EGLN1: variants seen among roughly 807,000 people sequenced by gnomAD.
EGLN1 encodes egl-9 family hypoxia inducible factor 1.
EGLN1 carries 17 observed loss-of-function variants against 38.3 expected under a neutral mutation model. The ratio of observed to expected loss-of-function variants is 0.44; its 90% CI spans 0.30 to 0.67. EGLN1 has a LOEUF of 0.67. Ranked by LOEUF, EGLN1 falls within the 30% of genes least tolerant of loss-of-function variation. EGLN1 has a pLI of 0.08. For missense variants in EGLN1, 477 were observed against 603.3 expected (o/e 0.79, Z 2.19); for synonymous variants, 283 against 257.5 (o/e 1.10, Z -0.95).
Position 231,391,083 on chromosome 1 carries a change from GTTTTT to G in EGLN1, c.892-16989_892-16985del, listed in dbSNP as rs111257907. Among the ~76,000 whole-genome samples the G allele has an allele frequency of 4.2e-4, 21 of 49,800 alleles. 5 individuals are homozygous for G. Among genetic ancestry groups the G allele is most frequent in the Non-Finnish European group, 1.1e-3 (21 of 18,346 alleles). The allele number at this position is 49,800 out of a possible 152,430, so 32.7% of individuals were successfully genotyped here. On this transcript the variant is annotated intron_variant, in intron 1 of 4. Coordinates refer to ENST00000366641, the MANE Select transcript of EGLN1 (RefSeq NM_022051.3). The stretch of plus-strand genomic sequence containing the variant: ...GTGTGTGAGACAGGGAACTCATTCT[GTTTTT>G]TTTTTGTGTGTGTGTGTGTGTGTGT...
At chr1:231,390,933 A>AAACTCC (rs1266998818) in intron 1 of EGLN1, among the ~76,000 whole-genome samples, 1 of 151,814 alleles carries the variant, frequency 6.6e-6, no homozygotes, top group Non-Finnish European at 1.5e-5. Context: ...CCGCAACGTC[A>AAACTCC]AACTCCTGAG....
At chr1:231,383,403 C>G (rs890063709) in intron 1 of EGLN1, among the ~76,000 whole-genome samples, 1 of 152,100 alleles carries the variant, frequency 6.6e-6, no homozygotes, top group Non-Finnish European at 1.5e-5. Flanking sequence ...TAATAAACAC[C>G]AGAACAGAGT....
intron 1 of EGLN1, among the ~76,000 whole-genome samples, chr1:231,381,616 A>C (rs1688081463): frequency 6.6e-6 from 1 of 152,226 alleles, no homozygotes; most frequent in Non-Finnish European, 1.5e-5. Context: ...CGACAGTATA[A>C]TCTAGAGATA....
chr1:231,421,304 G>C lies in EGLN1; in HGVS notation c.585C>G (p.Leu195=), dbSNP rs1467879744. 9.3e-6 allele frequency: 15 copies of C among 1,612,788 alleles called. No individual in the cohort carries two copies. Among genetic ancestry groups the C allele is most frequent in the African/African-American group, 5.3e-5 (4 of 74,898 alleles). ...TKPLPALKLA[L]EYIVPCMNKH... The stretch of plus-strand genomic sequence containing the variant: ...TGTTCATGCACGGCACGATGTACTC[G>C]AGCGCCAGCTTCAGCGCCGGCAGGG... The change falls in exon 1 of 5, where the codon CTC becomes CTG. Residue 195 remains leucine (L), a synonymous_variant. Coordinates refer to ENST00000366641, the MANE Select transcript of EGLN1 (RefSeq NM_022051.3). The surrounding 1 kb of genome is among the most constrained non-coding windows in gnomAD (Gnocchi z 5.5).
At chr1:231,391,095 TGTGTGTGTGTG>T (rs1558387211) in intron 1 of EGLN1, among the ~76,000 whole-genome samples, 9 of 60,470 alleles carry the variant, frequency 1.5e-4, no homozygotes, top group African/African-American at 4.0e-4. Context: ...TTTTTTTTTG[TGTGTGTGTGTG>T]TGTGTGTGTG....
At chr1:231,415,118 A>T (rs1689044633) in intron 1 of EGLN1, among the ~76,000 whole-genome samples, 1 of 152,056 alleles carries the variant, frequency 6.6e-6, no homozygotes, top group Non-Finnish European at 1.5e-5. Context: ...AAAAAAATTT[A>T]AGAAATTATC....
chr1:231,391,083 GTTTTTTTTTTGTGTGTGT>G (rs1156299647), intron 1 of EGLN1, among the ~76,000 whole-genome samples: 10 of 49,800 alleles, frequency 2.0e-4, no homozygotes, highest in Admixed American at 9.5e-4. Flanking sequence ...AACTCATTCT[GTTTTTTTTTTGTGTGTGT>G]GTGTGTGTGT....
Position 231,396,491 on chromosome 1 carries a change from A to C in EGLN1, c.892-22392T>G, listed in dbSNP as rs151328360. ...ATGGTCTCGATCTTTTGGCCTTGAG[A>C]TCCACCTCCCTCAGCCTCCCAAAGT... On this transcript the variant is annotated intron_variant, in intron 1 of 4. Coordinates refer to ENST00000366641, the MANE Select transcript of EGLN1 (RefSeq NM_022051.3). Among the ~76,000 whole-genome samples, 148 of 151,968 alleles carry C rather than the reference A, an allele frequency of 9.7e-4. 1 individual carries two copies. The highest frequency in any genetic ancestry group is 1.8e-3 in the Non-Finnish European group (122 of 67,954).
At chr1:231,386,590 ATTT>A (rs1012225340) in intron 1 of EGLN1, among the ~76,000 whole-genome samples, 1 of 151,342 alleles carries the variant, frequency 6.6e-6, no homozygotes, top group Admixed American at 6.6e-5. Flanking sequence ...AAACACACTC[ATTT>A]TTTTTTCTGG....
At chr1:231,402,646 G>C (rs543294710) in intron 1 of EGLN1, among the ~76,000 whole-genome samples, 2 of 151,944 alleles carry the variant, frequency 1.3e-5, no homozygotes, top group Non-Finnish European at 1.5e-5. Flanking sequence ...TGTTGGCCAG[G>C]CTGGTCTGGA....
chr1:231,372,617 T>G (rs1687857020), intron 2 of EGLN1, among the ~76,000 whole-genome samples: 1 of 152,316 alleles, frequency 6.6e-6, no homozygotes, highest in South Asian at 2.1e-4. Context: ...ATTACAAAAT[T>G]TATTTCTCTA....
chr1:231,409,062 G>C (rs1049210969), intron 1 of EGLN1, among the ~76,000 whole-genome samples: 1 of 151,934 alleles, frequency 6.6e-6, no homozygotes. Context: ...GGACAGCAAT[G>C]AAGAGTGTAA....
intron 3 of EGLN1, among the ~76,000 whole-genome samples, chr1:231,368,769 A>C (rs1290490713): frequency 6.6e-6 from 1 of 152,190 alleles, no homozygotes; most frequent in Admixed American, 6.5e-5. Context: ...TGAAGTAAAG[A>C]GTCTGGGAGT....
intron 1 of EGLN1, among the ~76,000 whole-genome samples, chr1:231,394,382 C>CTT (rs35843267): frequency 0.53 from 72,600 of 136,400 alleles, 20,854 homozygotes; most frequent in Non-Finnish European, 0.65. Flanking sequence ...CCCAATTTTC[C>CTT]TTTTTTTTTT....
chr1:231,407,469 C>T (rs1360132200), intron 1 of EGLN1, among the ~76,000 whole-genome samples: 9 of 152,144 alleles, frequency 5.9e-5, no homozygotes, highest in Non-Finnish European at 1.5e-5. Context: ...GAAAATTTTA[C>T]TCTGCACATC....
intron 1 of EGLN1, among the ~76,000 whole-genome samples, chr1:231,382,121 T>G (rs1038473175): frequency 1.3e-5 from 2 of 152,182 alleles, no homozygotes; most frequent in African/African-American, 2.4e-5. Flanking sequence ...CTTAGCTGCT[T>G]GACATTACAA....
chr1:231,368,893 C>T (rs1181286897), intron 3 of EGLN1, among the ~76,000 whole-genome samples: 1 of 152,164 alleles, frequency 6.6e-6, no homozygotes, highest in Non-Finnish European at 1.5e-5. Context: ...CAGAGTTCCA[C>T]TACCTTTCTT....
At chr1:231,387,257 C>CACA (rs552920401) in intron 1 of EGLN1, among the ~76,000 whole-genome samples, 66,457 of 149,146 alleles carry the variant, frequency 0.45, 16,725 homozygotes, top group Middle Eastern at 0.57. Context: ...ACACACACAC[C>CACA]CCCCTAATTA....
chr1:231,390,798 G>A (rs188341703), intron 1 of EGLN1, among the ~76,000 whole-genome samples: 4 of 152,246 alleles, frequency 2.6e-5, no homozygotes, highest in Non-Finnish European at 4.4e-5. Context: ...ACTTCTAAAT[G>A]ATGGTGAGAT....
Sources: allele counts gnomAD v4.1 joint callset (sites outside exome capture counted in the v4.1 genomes callset), GRCh38; gene constraint gnomAD v4.1.1; non-coding constraint Gnocchi (gnomAD v3.1); transcripts MANE v1.5; gene names NCBI Gene and HGNC (gene_info 2026-07-23, HGNC 2026-07-21).